The following EML5 variants were observed in gnomAD, a reference collection of about 807,000 sequenced individuals.
The protein encoded by EML5 is EMAP like 5.
In EML5, 120 loss-of-function variants were observed where a neutral mutation model predicts 250.0. The ratio of observed to expected loss-of-function variants is 0.48; its 90% confidence interval spans 0.41 to 0.56. The LOEUF (loss-of-function observed/expected upper bound fraction) is 0.56. Among genes scored for constraint, EML5 ranks in the 20% least tolerant of loss-of-function variants. The pLI, the probability that EML5 is intolerant of heterozygous loss-of-function variation, is 0.00. For missense variants in EML5, 2,006 were observed against 2,437.6 expected (o/e 0.82, Z 3.73); for synonymous variants, 771 against 806.5 (o/e 0.96, Z 0.75).
In EML5 at chr14:88,681,865, A is replaced by G. The variant is rs190082483; in HGVS notation, c.3124+25T>C. 34 of 1,578,020 alleles carry G rather than the reference A, an allele frequency of 2.2e-5. No individual in the cohort carries two copies. In the Admixed American group the frequency reaches 2.9e-4, roughly 14 times the overall value. On this transcript the variant is annotated intron_variant, in intron 21 of 43. Coordinates refer to ENST00000554922, the MANE Select transcript of EML5 (RefSeq NM_183387.3). ...TTAGAAAACTGTGAGAGCTTAATCT[A>G]CGTTCAAGTGTGAGAGCCTCTTACC...
intron 2 of EML5, 120 bp from the exon 3 acceptor site, chr14:88,746,403 C>A: frequency 1.3e-6 from 1 of 755,202 alleles, no homozygotes. Context: ...AACATATATG[C>A]CTATATTTTA....
At chr14:88,705,394 C>A (rs905113854) in intron 12 of EML5, 88 bp downstream of exon 12, 1 of 987,082 alleles carries the variant, frequency 1.0e-6, no homozygotes, top group Non-Finnish European at 1.6e-6. Flanking sequence ...ATTAAAGCCA[C>A]AAAAGATAAC....
chr14:88,790,407 G>C (rs1412086305), intron 1 of EML5, among the ~76,000 whole-genome samples: 1 of 152,196 alleles, frequency 6.6e-6, no homozygotes, highest in Non-Finnish European at 1.5e-5. Context: ...GAAAGTCAAA[G>C]CATTACCTTC....
At chr14:88,648,034 C>T (rs1351975311) in intron 28 of EML5, among the ~76,000 whole-genome samples, 1 of 151,970 alleles carries the variant, frequency 6.6e-6, no homozygotes, top group East Asian at 1.9e-4. Context: ...ATTAGTCACT[C>T]GGGACTATGC....
rs572536188 is a variant in EML5, at chr14:88,775,934, T to C, written c.197+16373A>G. Among the ~76,000 whole-genome samples, 11 of 150,978 alleles carry C rather than the reference T, an allele frequency of 7.3e-5. 1 individual carries two copies. Among genetic ancestry groups the C allele is most frequent in the African/African-American group, 2.7e-4 (11 of 40,918 alleles). On this transcript the variant is annotated intron_variant, in intron 1 of 43. Transcript: ENST00000554922. ...GAGAGAGAGAGAGAGACTCCATTTG[T>C]TTGGGAGAAAGTAAGAGAAATGAGT...
intron 8 of EML5, among the ~76,000 whole-genome samples, chr14:88,724,788 A>G (rs1449220876): frequency 6.6e-6 from 1 of 152,200 alleles, no homozygotes; most frequent in African/African-American, 2.4e-5. Flanking sequence ...ATTATTTCTA[A>G]CCTGCAAAAC....
At chr14:88,772,373 CTCA>C (rs1389079517) in intron 1 of EML5, among the ~76,000 whole-genome samples, 1 of 152,202 alleles carries the variant, frequency 6.6e-6, no homozygotes, top group Non-Finnish European at 1.5e-5. Flanking sequence ...TAAATCTGAT[CTCA>C]TCATTTACCT....
Position 88,792,139 on chromosome 14 carries a change from G to C in EML5, c.197+168C>G, listed in dbSNP as rs565130630. ...GTCCCTAGACGAGGAAGAGGGGAAA[G>C]GCATTTGTAGGGTGTTAACTGGTGG... On this transcript the variant is annotated intron_variant, in intron 1 of 43. Coordinates refer to ENST00000554922, the MANE Select transcript of EML5 (RefSeq NM_183387.3). The surrounding 1 kb of genome is among the most constrained non-coding windows in gnomAD (Gnocchi z 6.9). 1.2e-4 allele frequency among the ~76,000 whole-genome samples: 19 copies of C among 152,302 alleles called. No homozygotes were observed. Among genetic ancestry groups the C allele is most frequent in the Admixed American group, 1.2e-3 (18 of 15,304 alleles).
intron 32 of EML5, among the ~76,000 whole-genome samples, chr14:88,636,973 T>C (rs550132481): frequency 6.6e-6 from 1 of 152,340 alleles, no homozygotes; most frequent in East Asian, 1.9e-4. Flanking sequence ...GGAAAAAAGT[T>C]TGAATGTAAC....
At chr14:88,759,767 G>C (rs986959195) in intron 1 of EML5, among the ~76,000 whole-genome samples, 2 of 149,816 alleles carry the variant, frequency 1.3e-5, no homozygotes, top group Middle Eastern at 3.5e-3. Flanking sequence ...CAATAGAACA[G>C]AGGTATTCAA....
intron 33 of EML5, among the ~76,000 whole-genome samples, chr14:88,630,746 T>C (rs2090395666): frequency 6.6e-6 from 1 of 152,230 alleles, no homozygotes; most frequent in African/African-American, 2.4e-5. Flanking sequence ...GTCATGGCTC[T>C]GAAAAGGATT....
At position 88,663,104 on chromosome 14, in the gene EML5, A is replaced by C; in HGVS notation, c.3425T>G (p.Val1142Gly). 1 of 1,546,912 alleles carries C rather than the reference A, an allele frequency of 6.5e-7. No individual in the cohort carries two copies. Among genetic ancestry groups the C allele is most frequent in the Non-Finnish European group, 8.7e-7 (1 of 1,145,086 alleles). The change falls in exon 24 of 44, where the codon GTC (valine) becomes GGC (glycine). Residue 1142 changes from valine to glycine, a missense_variant. Transcript: ENST00000554922. The part of the protein sequence containing the change: ...DWDIRGKLLQ[V>G]NTGAKEQLFF... The stretch of plus-strand genomic sequence containing the variant: ...TAATTGTTCCTTAGCACCAGTGTTG[A>C]CCTGTAAAAGCTTTCCTTCAAAAAA...
chr14:88,718,983 G>T (rs2093547719), intron 8 of EML5, among the ~76,000 whole-genome samples: 1 of 152,164 alleles, frequency 6.6e-6, no homozygotes, highest in South Asian at 2.1e-4. Context: ...AATTTTAAAT[G>T]AATGTGTGAT....
intron 1 of EML5, among the ~76,000 whole-genome samples, chr14:88,757,138 AAC>A (rs1313889484): frequency 6.6e-6 from 1 of 152,224 alleles, no homozygotes; most frequent in African/African-American, 2.4e-5. Context: ...AGATCAATCA[AAC>A]AGAATCGTGA....
chr14:88,640,577 T>C (rs577658978), intron 31 of EML5, among the ~76,000 whole-genome samples: 31 of 152,300 alleles, frequency 2.0e-4, no homozygotes, highest in African/African-American at 7.0e-4. Context: ...GAGGAAAGCT[T>C]ACAGTGCTAA....
chr14:88,742,469 C>T (rs1218898388), intron 4 of EML5, among the ~76,000 whole-genome samples: 2 of 152,076 alleles, frequency 1.3e-5, no homozygotes, highest in Non-Finnish European at 2.9e-5. Flanking sequence ...TGTTACTATT[C>T]ATTTCTTCTA....
At chr14:88,699,320 TAGAA>T (rs561889020) in intron 14 of EML5, among the ~76,000 whole-genome samples, 7 of 152,000 alleles carry the variant, frequency 4.6e-5, no homozygotes, top group East Asian at 2.0e-4. Context: ...AAGAGGCAAA[TAGAA>T]AGAGATAAAA....
chr14:88,768,692 G>A (rs1045337804), intron 1 of EML5, among the ~76,000 whole-genome samples: 10 of 152,252 alleles, frequency 6.6e-5, no homozygotes, highest in East Asian at 1.9e-4. Context: ...GATTACAGGC[G>A]TGAGACATCG....
At chr14:88,617,976 T>C (rs2088008564) in intron 41 of EML5, 1 of 288,438 alleles carries the variant, frequency 3.5e-6, no homozygotes, top group South Asian at 8.4e-5. Flanking sequence ...AAGAAAAATA[T>C]CAGGGTATCT....
Sources: gnomAD v4.1 joint callset for allele counts (sites outside exome capture counted in the v4.1 genomes callset) on GRCh38, gnomAD v4.1.1 for gene constraint, Gnocchi (gnomAD v3.1) non-coding constraint, MANE v1.5 for transcripts, NCBI Gene and HGNC (gene_info 2026-07-23, HGNC 2026-07-21) for gene names.